Variants in TCF4 observed in about 807,000 individuals in gnomAD.
TCF4 encodes the protein SL3-3 enhancer factor 2.
TCF4 carries 3 observed loss-of-function variants against 82.1 expected under a neutral mutation model. The ratio of observed to expected loss-of-function variants is 0.04; its 90% CI spans 0.02 to 0.09. TCF4 has a LOEUF of 0.09. TCF4 is among the 10% of genes least tolerant of loss of function. The pLI, the probability that TCF4 is intolerant of heterozygous loss-of-function variation, is 1.00. For missense variants in TCF4, 518 were observed against 852.7 expected, an observed-to-expected ratio of 0.61 and a Z score of 4.89; for synonymous variants, 276 against 309.6, an observed-to-expected ratio of 0.89 and a Z score of 1.14.
intron 2 of TCF4, chr18:55,586,315 C>A: frequency 1.4e-6 from 1 of 722,464 alleles, no homozygotes; most frequent in Non-Finnish European, 2.3e-6. Context: ...ATGCATCTTA[C>A]ACCAAACTCA....
chr18:55,531,315 C>T (rs372354016), intron 3 of TCF4, among the ~76,000 whole-genome samples: 126 of 152,250 alleles, frequency 8.3e-4, no homozygotes, highest in African/African-American at 2.7e-3. Flanking sequence ...AAAGTATTTG[C>T]TTCCAGCTCT....
intron 9 of TCF4, among the ~76,000 whole-genome samples, chr18:55,278,258 C>T (rs1226219188): frequency 6.6e-6 from 1 of 152,156 alleles, no homozygotes; most frequent in Non-Finnish European, 1.5e-5. Flanking sequence ...CTTCCTGTGA[C>T]ATGGCCCTTC....
chr18:55,584,396 T>G (rs111766289), intron 3 of TCF4, among the ~76,000 whole-genome samples: 1 of 152,172 alleles, frequency 6.6e-6, no homozygotes, highest in Non-Finnish European at 1.5e-5. Flanking sequence ...TTAACAAGCA[T>G]AAATGGACTT....
rs1324647610 is a variant in TCF4, at chr18:55,257,362, C to T, written c.1099G>A (p.Gly367Arg). 6.2e-7 allele frequency: 1 copy of T among 1,613,728 alleles called. No individual in the cohort carries two copies. The highest frequency in any genetic ancestry group is 8.5e-7 in the Non-Finnish European group (1 of 1,179,732). The change falls in exon 14 of 20, where the codon GGA becomes AGA. Residue 367 changes from glycine to arginine, a missense_variant. Physicochemically the swap from Gly to Arg is moderately radical, Grantham distance 125. This residue lies in a region of TCF4 where 211 missense variants were observed against 327.4 expected (regional missense o/e 0.64). Coordinates refer to ENST00000354452, the MANE Select transcript of TCF4 (RefSeq NM_001083962.2). ...AGTAVWSRNG[G>R]QASSSPNYEG... is the part of the protein sequence containing the mutation. ...TAATTAGGAGACGATGAGGCCTGTC[C>T]TCCATTTCTAGACCAAACAGCTGTG...
chr18:55,512,400 A>T (rs2096837520), intron 3 of TCF4, among the ~76,000 whole-genome samples: 1 of 152,166 alleles, frequency 6.6e-6, no homozygotes, highest in Admixed American at 6.5e-5. Context: ...AACAAATTTC[A>T]TGTTATGTTT....
chr18:55,264,249 C>T (rs1445630448), intron 11 of TCF4, among the ~76,000 whole-genome samples: 6 of 152,100 alleles, frequency 3.9e-5, no homozygotes, highest in East Asian at 3.8e-4. Context: ...TACCTCATCG[C>T]GTCATGAAAA....
chr18:55,489,247 T>A (rs2096550244), intron 3 of TCF4, among the ~76,000 whole-genome samples: 1 of 152,140 alleles, frequency 6.6e-6, no homozygotes, highest in Non-Finnish European at 1.5e-5. Context: ...CTCCAAGAGA[T>A]ACTGAAGCAG....
At chr18:55,258,906 C>T (rs968102768) in intron 13 of TCF4, among the ~76,000 whole-genome samples, 2 of 152,168 alleles carry the variant, frequency 1.3e-5, no homozygotes, top group African/African-American at 4.8e-5. Flanking sequence ...TCACCTCAAT[C>T]GCTTCCCAGT....
chr18:55,269,689 G>T, intron 11 of TCF4, 142 bp downstream of exon 11: 1 of 1,108,590 alleles, frequency 9.0e-7, no homozygotes, highest in Non-Finnish European at 1.3e-6. Flanking sequence ...ACTTCTGTTT[G>T]GTACATTTGT....
At chr18:55,491,424 C>G (rs2096575632) in intron 3 of TCF4, among the ~76,000 whole-genome samples, 1 of 152,168 alleles carries the variant, frequency 6.6e-6, no homozygotes, top group Admixed American at 6.6e-5. Context: ...CATTTATGTT[C>G]ACAAATCAAG....
chr18:55,269,783 ACT>A lies in TCF4; in HGVS notation c.922+46_922+47del, dbSNP rs370948181. On this transcript the variant is annotated intron_variant, in intron 11 of 19. Coordinates refer to ENST00000354452, the MANE Select transcript of TCF4 (RefSeq NM_001083962.2). ...GGAAAAAGAGGTCCTTGATGATTAAACTCTGACACCAATTGTTGGTATCAGAA... is the reference window on the plus strand; with the variant it reads ...GGAAAAAGAGGTCCTTGATGATTAAACTGACACCAATTGTTGGTATCAGAA... 2.4e-5 allele frequency: 39 copies of A among 1,611,686 alleles called. No homozygotes were observed. In the East Asian group the frequency reaches 8.3e-4, roughly 34 times the overall value.
intron 3 of TCF4, among the ~76,000 whole-genome samples, chr18:55,552,948 A>G (rs2097272832): frequency 6.6e-6 from 1 of 152,218 alleles, no homozygotes; most frequent in Non-Finnish European, 1.5e-5. Context: ...TTTTCTCTCT[A>G]CTCGCTCACT....
At chr18:55,520,745 G>A (rs1485336215) in intron 3 of TCF4, among the ~76,000 whole-genome samples, 1 of 152,142 alleles carries the variant, frequency 6.6e-6, no homozygotes, top group Admixed American at 6.5e-5. Flanking sequence ...AGGTTAAGGA[G>A]AAAATACCAA....
rs999774543 is a variant in TCF4, at chr18:55,257,419, G to T, written c.1070-28C>A. 8 of 1,608,606 alleles carry T rather than the reference G, an allele frequency of 5.0e-6. No homozygotes were observed. In the African/African-American group the frequency reaches 1.1e-4, roughly 22 times the overall value. On this transcript the variant is annotated intron_variant, in intron 13 of 19. Transcript: ENST00000354452. ...GATATTAAAGTGGGAATTACAATCA[G>T]ATCTAGACACATGTAAAAAGACGCT...
At chr18:55,365,947 G>A (rs2086934173) in intron 6 of TCF4, among the ~76,000 whole-genome samples, 2 of 150,936 alleles carry the variant, frequency 1.3e-5, no homozygotes, top group Admixed American at 6.6e-5. Context: ...TGTGTGGGAC[G>A]AGCTAATTCT....
chr18:55,298,997 T>C (rs1264512077), intron 8 of TCF4, among the ~76,000 whole-genome samples: 1 of 152,228 alleles, frequency 6.6e-6, no homozygotes, highest in African/African-American at 2.4e-5. Flanking sequence ...GTTTTTTAGT[T>C]TCTACTACCT....
At chr18:55,543,781 C>T (rs2097183433) in intron 3 of TCF4, among the ~76,000 whole-genome samples, 1 of 152,134 alleles carries the variant, frequency 6.6e-6, no homozygotes, top group Non-Finnish European at 1.5e-5. Flanking sequence ...ATTTCTATAG[C>T]TGAAAGACGA....
At chr18:55,471,195 T>C (rs1348456134) in intron 3 of TCF4, among the ~76,000 whole-genome samples, 1 of 152,188 alleles carries the variant, frequency 6.6e-6, no homozygotes, top group Non-Finnish European at 1.5e-5. Context: ...TTGAGTACTA[T>C]TACAGACATA....
intron 8 of TCF4, among the ~76,000 whole-genome samples, chr18:55,297,727 C>A (rs1191704641): frequency 6.6e-6 from 1 of 151,660 alleles, no homozygotes; most frequent in African/African-American, 2.4e-5. Context: ...ATAAATATTT[C>A]TCCATTTGTG....
Sources: allele counts gnomAD v4.1 joint callset (sites outside exome capture counted in the v4.1 genomes callset), GRCh38; gene constraint gnomAD v4.1.1; regional missense constraint gnomAD v4.1.1; transcripts MANE v1.5; gene names NCBI Gene and HGNC (gene_info 2026-07-23, HGNC 2026-07-21).